Variants in CDKL2 observed in about 807,000 individuals in gnomAD.
CDKL2 encodes the protein cyclin-dependent kinase-like 2.
In CDKL2, 64 loss-of-function variants were observed where a neutral mutation model predicts 63.9. The observed-to-expected ratio is 1.00, with a 90% confidence interval of 0.82 to 1.23. CDKL2 has a LOEUF of 1.23. Ranked by LOEUF, CDKL2 falls within the 50% of genes most tolerant of loss-of-function variation. CDKL2 has a pLI of 0.00. For missense variants in CDKL2, 656 were observed against 668.0 expected, an observed-to-expected ratio of 0.98 and a Z score of 0.20; for synonymous variants, 211 against 229.2, an observed-to-expected ratio of 0.92 and a Z score of 0.72.
chr4:75,603,032 G>A (rs1418592005), intron 6 of CDKL2, among the ~76,000 whole-genome samples: 16 of 116,692 alleles, frequency 1.4e-4, no homozygotes, highest in African/African-American at 5.1e-4. Context: ...TCGCTCTGTC[G>A]CCCAGGCCGG....
chr4:75,609,297 C>T (rs34785390), intron 3 of CDKL2, among the ~76,000 whole-genome samples: 35,871 of 151,836 alleles, frequency 0.24, 4,618 homozygotes, highest in Middle Eastern at 0.36. Context: ...AAACAGGATG[C>T]TGATATTCAG....
intron 2 of CDKL2, among the ~76,000 whole-genome samples, chr4:75,620,559 T>C (rs1730111109): frequency 6.6e-6 from 1 of 152,110 alleles, no homozygotes. Flanking sequence ...CTGGACAAAA[T>C]ATATAACATA....
At chr4:75,597,787 G>A (rs1217688748) in intron 8 of CDKL2, among the ~76,000 whole-genome samples, 8 of 152,174 alleles carry the variant, frequency 5.3e-5, no homozygotes, top group Non-Finnish European at 1.2e-4. Context: ...AGGGTTGTTT[G>A]TTCCATGTGT....
intron 13 of CDKL2, among the ~76,000 whole-genome samples, chr4:75,579,507 C>G (rs1728166376): frequency 6.6e-6 from 1 of 151,872 alleles, no homozygotes; most frequent in Admixed American, 6.6e-5. Context: ...AACCCCATCT[C>G]TACTAAAAAT....
intron 12 of CDKL2, among the ~76,000 whole-genome samples, chr4:75,590,683 C>G (rs1447676169): frequency 6.6e-6 from 1 of 151,968 alleles, no homozygotes; most frequent in African/African-American, 2.4e-5. Flanking sequence ...CCACTGCACT[C>G]CAGCCTGGGC....
chr4:75,602,292 G>A (rs1195073482), intron 6 of CDKL2, among the ~76,000 whole-genome samples: 1 of 151,822 alleles, frequency 6.6e-6, no homozygotes. Context: ...GCAATTCTCT[G>A]CCTCACCTTC....
At chr4:75,628,410 C>T (rs1578361152) in intron 1 of CDKL2, among the ~76,000 whole-genome samples, 1 of 152,088 alleles carries the variant, frequency 6.6e-6, no homozygotes, top group Admixed American at 6.5e-5. Flanking sequence ...CCACCGCGCC[C>T]GGCCTTGAAA....
chr4:75,589,101 G>A (rs1286556818), intron 12 of CDKL2, among the ~76,000 whole-genome samples: 3 of 152,252 alleles, frequency 2.0e-5, no homozygotes, highest in Middle Eastern at 3.4e-3. Flanking sequence ...ATAAGCACAT[G>A]AAAAGATTCT....
chr4:75,585,654 C>T lies in CDKL2; in HGVS notation c.1648-3756G>A, dbSNP rs560513820. ...AATAGATACAGGCCAGGTATGGTGG[C>T]TCATGCCTGTAATCCCAGCACTTTG... On this transcript the variant is annotated intron_variant, in intron 12 of 13. Coordinates refer to ENST00000307465, the MANE Select transcript of CDKL2 (RefSeq NM_001330724.2). Among the ~76,000 whole-genome samples, 12 of 152,186 alleles carry T rather than the reference C, an allele frequency of 7.9e-5. No individual in the cohort carries two copies. In the South Asian group the frequency reaches 8.3e-4, roughly 11 times the overall value.
At chr4:75,608,122 C>CTT (rs34604898) in intron 3 of CDKL2, among the ~76,000 whole-genome samples, 61,614 of 88,138 alleles carry the variant, frequency 0.7, 22,935 homozygotes, top group East Asian at 0.88. Flanking sequence ...GGCCAAAAAC[C>CTT]TTTTTTTTTT....
At chr4:75,598,935 T>G (rs1033383927) in intron 7 of CDKL2, among the ~76,000 whole-genome samples, 5 of 152,218 alleles carry the variant, frequency 3.3e-5, no homozygotes, top group African/African-American at 1.2e-4. Context: ...GAAATAATTG[T>G]GTTAATGATA....
chr4:75,626,707 A>G (rs1730437192), intron 1 of CDKL2, among the ~76,000 whole-genome samples: 1 of 148,820 alleles, frequency 6.7e-6, no homozygotes, highest in Non-Finnish European at 1.5e-5. Context: ...TGGGCAACAT[A>G]CTGAGACTCT....
rs1280669982 is a variant in CDKL2, at chr4:75,624,640, GGAGATC to G, written c.168+1175_168+1180del. On this transcript the variant is annotated intron_variant, in intron 2 of 13. Coordinates refer to ENST00000307465, the MANE Select transcript of CDKL2 (RefSeq NM_001330724.2). Reference sequence around the variant, plus strand: ...CTGAGGTGGGCGGATCATGAGGTCAGGAGATCGAGACCATCCCAATCAACATGGTGC... The same window carrying G: ...CTGAGGTGGGCGGATCATGAGGTCAGGAGACCATCCCAATCAACATGGTGC... Among the ~76,000 whole-genome samples the G allele has an allele frequency of 4.0e-5, 6 of 151,790 alleles. No homozygotes were observed. In the East Asian group the frequency reaches 1.2e-3, roughly 29 times the overall value.
Position 75,598,226 on chromosome 4 carries a change from TA to T in CDKL2, c.885-15del. 1 of 1,335,048 alleles carries T rather than the reference TA, an allele frequency of 7.5e-7. No homozygotes were observed. The highest frequency in any genetic ancestry group is 2.4e-4 in the Middle Eastern group (1 of 4,234). The allele number at this position is 1,335,048 out of a possible 1,614,324, so 82.7% of individuals were successfully genotyped here. On this transcript the variant is annotated splice_polypyrimidine_tract_variant and intron_variant, in intron 7 of 13. Coordinates refer to ENST00000307465, the MANE Select transcript of CDKL2 (RefSeq NM_001330724.2). ...TCTTGGGAAAACCTACATAAAAATATAATAAAATAAAATTGTAAGACATGGA... is the reference window on the plus strand; with the variant it reads ...TCTTGGGAAAACCTACATAAAAATATATAAAATAAAATTGTAAGACATGGA...
chr4:75,590,495 A>G (rs1289815492), intron 12 of CDKL2, among the ~76,000 whole-genome samples: 1 of 152,192 alleles, frequency 6.6e-6, no homozygotes, highest in Non-Finnish European at 1.5e-5. Context: ...CAGGCAGATC[A>G]CTTGAGGTCA....
Position 75,614,274 on chromosome 4 carries a change from C to T in CDKL2, c.344G>A (p.Gly115Glu). ...ACTTACATTGTGACTGTGACAAAATCCAATTCCATTAATAATCTGAAACAA... is the reference window on the plus strand; with the variant it reads ...ACTTACATTGTGACTGTGACAAAATTCAATTCCATTAATAATCTGAAACAA... The part of the protein sequence containing the change: ...KYLFQIINGI[G>E]FCHSHNIIHR... The change falls in exon 3 of 14, where the codon GGA becomes GAA. Residue 115 changes from glycine (G) to glutamate (E), a missense_variant. Transcript: ENST00000307465. 1 of 1,604,152 alleles carries T rather than the reference C, an allele frequency of 6.2e-7. No individual in the cohort carries two copies.
intron 1 of CDKL2, among the ~76,000 whole-genome samples, chr4:75,627,283 G>C (rs935204921): frequency 1.5e-4 from 23 of 151,646 alleles, no homozygotes; most frequent in African/African-American, 5.6e-4. Context: ...TTGTTTGTTT[G>C]TTTGTTTGGG....
At chr4:75,598,427 C>T (rs909383088) in intron 7 of CDKL2, among the ~76,000 whole-genome samples, 1 of 151,820 alleles carries the variant, frequency 6.6e-6, no homozygotes, top group Admixed American at 6.6e-5. Flanking sequence ...AAAGTCAATG[C>T]TATTATTTTA....
chr4:75,609,529 T>C lies in CDKL2; in HGVS notation c.364-2168A>G, dbSNP rs555471630. On this transcript the variant is annotated intron_variant, in intron 3 of 13. Coordinates refer to ENST00000307465, the MANE Select transcript of CDKL2 (RefSeq NM_001330724.2). ...CTCAGGCAGGAGAATCTCTTGAACCTAGGAGGGGGAAGGTTGCAGTGAGCC... is the reference window on the plus strand; with the variant it reads ...CTCAGGCAGGAGAATCTCTTGAACCCAGGAGGGGGAAGGTTGCAGTGAGCC... 1.5e-4 allele frequency among the ~76,000 whole-genome samples: 23 copies of C among 150,784 alleles called. No individual in the cohort carries two copies. The South Asian group carries it at 4.6e-3, about 30-fold the overall frequency.
Sources: allele counts gnomAD v4.1 joint callset (sites outside exome capture counted in the v4.1 genomes callset), GRCh38; gene constraint gnomAD v4.1.1; transcripts MANE v1.5; gene names NCBI Gene and HGNC (gene_info 2026-07-23, HGNC 2026-07-21).